The following CCDC200 variants were observed in gnomAD, a reference collection of about 807,000 sequenced individuals.
The protein encoded by CCDC200 is coiled-coil domain-containing protein 200.
At chr17:43,226,835 TA>T (rs2057572702) in intron 1 of CCDC200, among the ~76,000 whole-genome samples, 1 of 152,218 alleles carries the variant, frequency 6.6e-6, no homozygotes, top group African/African-American at 2.4e-5. Context: ...ATTTGGACAC[TA>T]AATTTTCATC....
intron 1 of CCDC200, among the ~76,000 whole-genome samples, chr17:43,227,602 A>C (rs1419940408): frequency 4.0e-5 from 6 of 151,854 alleles, no homozygotes; most frequent in East Asian, 4.0e-4. Flanking sequence ...CTCATGCCTC[A>C]GTCTCCCCAG....
At chr17:43,224,138 A>G (rs1024251354) in intron 2 of CCDC200, 96 bp downstream of exon 2, 1 of 152,838 alleles carries the variant, frequency 6.5e-6, no homozygotes, top group African/African-American at 2.4e-5. Context: ...GCTCCAGTCC[A>G]GAGTCTGTAA....
intron 3 of CCDC200, among the ~76,000 whole-genome samples, chr17:43,221,860 G>C (rs796112710): frequency 3.9e-5 from 6 of 152,108 alleles, no homozygotes; most frequent in South Asian, 2.1e-4. Flanking sequence ...TGTAATCCCA[G>C]CACTTTGGGA....
chr17:43,222,770 TTC>T (rs1263887957), intron 3 of CCDC200, among the ~76,000 whole-genome samples: 2 of 138,764 alleles, frequency 1.4e-5, no homozygotes, highest in Non-Finnish European at 3.1e-5. Context: ...GTTTTTTTTT[TTC>T]GTTTTTTTTT....
intron 1 of CCDC200, among the ~76,000 whole-genome samples, chr17:43,226,624 G>A (rs1191623404): frequency 6.6e-6 from 1 of 152,032 alleles, no homozygotes; most frequent in African/African-American, 2.4e-5. Context: ...AAACTCCTGG[G>A]CTCAAAGGAT....
upstream of CCDC200, among the ~76,000 whole-genome samples, chr17:43,231,107 C>T (rs2057594135): frequency 2.0e-5 from 2 of 99,864 alleles, 1 homozygote; most frequent in African/African-American, 5.3e-5. Flanking sequence ...TGGAGAAACC[C>T]CAATCTGTAC....
At chr17:43,225,044 A>C (rs2057557676) in intron 1 of CCDC200, 1 of 150,864 alleles carries the variant, frequency 6.6e-6, no homozygotes, top group South Asian at 2.1e-4. Flanking sequence ...TTTTTTTTTT[A>C]ATAGAGACAG....
intron 1 of CCDC200, among the ~76,000 whole-genome samples, chr17:43,226,941 G>C (rs141653727): frequency 6.6e-6 from 1 of 152,048 alleles, no homozygotes; most frequent in Non-Finnish European, 1.5e-5. Context: ...AATTTTTCCA[G>C]TATGTATGTT....
intron 1 of CCDC200, chr17:43,224,776 C>G (rs1298493696): frequency 6.6e-6 from 1 of 152,282 alleles, no homozygotes; most frequent in African/African-American, 2.4e-5. Context: ...AAATAGCACT[C>G]TCTCTGAGCA....
intron 1 of CCDC200, among the ~76,000 whole-genome samples, chr17:43,225,136 C>T (rs1014062937): frequency 2.6e-5 from 4 of 152,006 alleles, no homozygotes; most frequent in Non-Finnish European, 5.9e-5. Flanking sequence ...CAGGCTCAAG[C>T]GATCCTTCCA....
intron 1 of CCDC200, among the ~76,000 whole-genome samples, chr17:43,225,634 G>C (rs1303477861): frequency 1.4e-4 from 11 of 79,894 alleles, no homozygotes; most frequent in African/African-American, 4.0e-4. Flanking sequence ...CTGCACTCCA[G>C]CCTGGGCGAC....
chr17:43,227,903 G>A (rs369407872), intron 1 of CCDC200, among the ~76,000 whole-genome samples: 29 of 152,390 alleles, frequency 1.9e-4, no homozygotes, highest in African/African-American at 5.3e-4. Flanking sequence ...GAGGTCGGGA[G>A]TTTGAGACCA....
rs534568103 is a variant in CCDC200 at position 43,226,937 on chromosome 17, T to G, written c.105+1513A>C. Among the ~76,000 whole-genome samples the G allele has an allele frequency of 8.4e-4, 128 of 152,286 alleles. 4 individuals carry two copies. The highest frequency in any genetic ancestry group is 8.3e-3 in the Admixed American group (127 of 15,284). The stretch of plus-strand genomic sequence containing the variant: ...TTGTCCCAAACATGCTTAAAATTTT[T>G]CCAGTATGTATGTTGTTTTAAAATA... On this transcript the variant is annotated intron_variant, in intron 1 of 3. Transcript: ENST00000636331.
chr17:43,230,626 G>A (rs2057592543), upstream of CCDC200, among the ~76,000 whole-genome samples: 1 of 57,712 alleles, frequency 1.7e-5, no homozygotes, highest in Non-Finnish European at 4.6e-5. Flanking sequence ...GCAGTGAGCC[G>A]AGATCGCGCC....
intron 1 of CCDC200, among the ~76,000 whole-genome samples, chr17:43,226,624 G>T (rs1191623404): frequency 6.6e-6 from 1 of 152,032 alleles, no homozygotes; most frequent in Non-Finnish European, 1.5e-5. Flanking sequence ...AAACTCCTGG[G>T]CTCAAAGGAT....
chr17:43,231,140 G>C (rs1169742942), upstream of CCDC200, among the ~76,000 whole-genome samples: 2 of 101,014 alleles, frequency 2.0e-5, 1 homozygote, highest in African/African-American at 5.3e-5. Flanking sequence ...GAGGAAGAGT[G>C]GGGGAAAGAT....
At chr17:43,222,762 TTTTTTTTTTCG>T (rs1487324218) in intron 3 of CCDC200, among the ~76,000 whole-genome samples, 6 of 70,360 alleles carry the variant, frequency 8.5e-5, no homozygotes, top group African/African-American at 2.5e-4. Context: ...CTAGTTTTGT[TTTTTTTTTTCG>T]TTTTTTTTTT....
chr17:43,227,275 G>A (rs71379214), intron 1 of CCDC200, among the ~76,000 whole-genome samples: 222 of 151,782 alleles, frequency 1.5e-3, no homozygotes, highest in Admixed American at 8.9e-3. Flanking sequence ...CACTGTGCCC[G>A]GCTGGGAGCA....
intron 3 of CCDC200, among the ~76,000 whole-genome samples, chr17:43,222,589 CTTTTT>C (rs34235178): frequency 7.2e-6 from 1 of 139,802 alleles, no homozygotes; most frequent in East Asian, 2.1e-4. Flanking sequence ...GCATTTTTTC[CTTTTT>C]TTTTTTTTTT....
Sources: allele counts gnomAD v4.1 joint callset (sites outside exome capture counted in the v4.1 genomes callset), GRCh38; gene constraint gnomAD v4.1.1; transcripts MANE v1.5; gene names NCBI Gene and HGNC (gene_info 2026-07-23, HGNC 2026-07-21).